The following SPARCL1 variants were observed in gnomAD, a reference collection of about 807,000 sequenced individuals.
SPARCL1 encodes SPARC-like protein 1.
In SPARCL1, 52 loss-of-function variants were observed where a neutral mutation model predicts 67.1. The observed-to-expected ratio is 0.78, with a 90% CI of 0.62 to 0.98. The LOEUF (loss-of-function observed/expected upper bound fraction) is 0.98. Among genes scored for constraint, SPARCL1 ranks in the 50% least tolerant of loss-of-function variants. The pLI is 0.00. For missense variants in SPARCL1, 717 were observed against 782.4 expected (o/e 0.92, Z 1.00); for synonymous variants, 226 against 267.8 (o/e 0.84, Z 1.52).
At chr4:87,502,337 C>T (rs1489436913) in intron 1 of SPARCL1, among the ~76,000 whole-genome samples, 1 of 152,074 alleles carries the variant, frequency 6.6e-6, no homozygotes, top group African/African-American at 2.4e-5. Flanking sequence ...TATATAATAT[C>T]CTACAGTGGT....
chr4:87,494,063 T>C lies in SPARCL1; in HGVS notation c.737A>G (p.Glu246Gly), dbSNP rs1217833302. Reference protein sequence around the residue: ...DNTQSDDILEESDQPTQVSKM... With the variant: ...DNTQSDDILEGSDQPTQVSKM... The stretch of plus-strand genomic sequence containing the variant: ...GCTTACTTGAGTTGGTTGATCAGAC[T>C]CTTCCAAAATATCATCAGATTGGGT... Residue 246 changes from glutamate (E) to glycine (G), a missense_variant, in exon 4 of 11, where the codon GAG (glutamate) becomes GGG (glycine). By Grantham distance (98) the Glu-to-Gly change is moderately conservative. Transcript: ENST00000282470. 2 of 1,613,972 alleles carry C rather than the reference T, an allele frequency of 1.2e-6. No homozygotes were observed. Among genetic ancestry groups the C allele is most frequent in the African/African-American group, 1.3e-5 (1 of 74,938 alleles).
intron 1 of SPARCL1, among the ~76,000 whole-genome samples, chr4:87,511,589 G>T (rs1408520035): frequency 6.6e-6 from 1 of 152,200 alleles, no homozygotes; most frequent in Non-Finnish European, 1.5e-5. Flanking sequence ...ACCATCAGAG[G>T]ATGGGAAGAG....
At chr4:87,521,416 CCT>C (rs2110265573) in intron 1 of SPARCL1, among the ~76,000 whole-genome samples, 1 of 152,256 alleles carries the variant, frequency 6.6e-6, no homozygotes, top group Admixed American at 6.5e-5. Flanking sequence ...GAACAGGATT[CCT>C]CTTTCATATT....
At position 87,493,960 on chromosome 4, in the gene SPARCL1, AT is replaced by A. The variant is rs1179774720; in HGVS notation, c.839del (p.Asn280MetfsTer23). On this transcript the variant is annotated frameshift_variant, in exon 4 of 11. Coordinates refer to ENST00000282470, the MANE Select transcript of SPARCL1 (RefSeq NM_004684.6). LOFTEE classifies it high-confidence loss of function. ...DNSNAEMEEE[N>X]ASNVNKHIQE... ...GAATGTGCTTATTGACGTTCGATGC[AT>A]TTTCCTCTTCCATTTCTGCATTGGA... The A allele has an allele frequency of 2.5e-6, 4 of 1,613,848 alleles. No individual in the cohort carries two copies. In the Admixed American group the frequency reaches 6.7e-5, roughly 27 times the overall value.
intron 1 of SPARCL1, among the ~76,000 whole-genome samples, chr4:87,508,649 A>T (rs1157165517): frequency 6.6e-6 from 1 of 151,898 alleles, no homozygotes; most frequent in Middle Eastern, 3.2e-3. Context: ...AGTAGCAGGT[A>T]AAAAAATAGA....
intron 10 of SPARCL1, among the ~76,000 whole-genome samples, chr4:87,478,716 G>T (rs1048894031): frequency 6.6e-6 from 1 of 152,144 alleles, no homozygotes; most frequent in Non-Finnish European, 1.5e-5. Context: ...GGGATTACAG[G>T]CATGAGCCAC....
chr4:87,511,961 CTT>C (rs1725377349), intron 1 of SPARCL1, among the ~76,000 whole-genome samples: 2 of 109,170 alleles, frequency 1.8e-5, no homozygotes, highest in African/African-American at 8.1e-5. Flanking sequence ...TTTCCTCTTT[CTT>C]TCTCTTTTTT....
chr4:87,527,564 C>T (rs1726099826), intron 1 of SPARCL1, among the ~76,000 whole-genome samples: 1 of 152,144 alleles, frequency 6.6e-6, no homozygotes, highest in Non-Finnish European at 1.5e-5. Flanking sequence ...TTATTTCTGT[C>T]ATCACTATTA....
chr4:87,473,872 G>T, intron 10 of SPARCL1, 69 bp from the exon 11 acceptor site: 2 of 1,065,410 alleles, frequency 1.9e-6, no homozygotes, highest in South Asian at 1.4e-5. Flanking sequence ...AACAATATTA[G>T]AGTTGGGGGA....
chr4:87,498,757 A>G (rs1243433563), intron 2 of SPARCL1, among the ~76,000 whole-genome samples: 1 of 152,156 alleles, frequency 6.6e-6, no homozygotes, highest in Non-Finnish European at 1.5e-5. Context: ...TATGATTACC[A>G]TATCGTTTCC....
intron 2 of SPARCL1, among the ~76,000 whole-genome samples, chr4:87,499,146 G>A (rs563540651): frequency 6.6e-6 from 1 of 152,302 alleles, no homozygotes; most frequent in East Asian, 1.9e-4. Flanking sequence ...GAAGTGCTGG[G>A]ATTACAGGCG....
chr4:87,524,620 C>T (rs1333494115), intron 1 of SPARCL1, among the ~76,000 whole-genome samples: 1 of 152,138 alleles, frequency 6.6e-6, no homozygotes, highest in Non-Finnish European at 1.5e-5. Flanking sequence ...TACATTTTTC[C>T]CTTGCTATGT....
intron 9 of SPARCL1, 128 bp downstream of exon 9, chr4:87,480,244 A>T: frequency 1.5e-6 from 1 of 667,550 alleles, no homozygotes; most frequent in Non-Finnish European, 2.3e-6. Flanking sequence ...ACTCCTAACC[A>T]GGCATTTCAG....
intron 7 of SPARCL1, among the ~76,000 whole-genome samples, chr4:87,483,279 C>T (rs1234062260): frequency 6.6e-6 from 1 of 152,050 alleles, no homozygotes; most frequent in South Asian, 2.1e-4. Flanking sequence ...ATGTTCCCCT[C>T]CCTGTGTCCA....
At chr4:87,499,439 A>G in intron 2 of SPARCL1, 82 bp downstream of exon 2, 1 of 1,105,350 alleles carries the variant, frequency 9.0e-7, no homozygotes, top group East Asian at 2.4e-5. Context: ...ACCATTATAT[A>G]AGAACATTTT....
At chr4:87,506,815 A>G (rs994445937) in intron 1 of SPARCL1, among the ~76,000 whole-genome samples, 1 of 149,044 alleles carries the variant, frequency 6.7e-6, no homozygotes, top group African/African-American at 2.6e-5. Flanking sequence ...CTATCTATCT[A>G]TCTATCTATC....
At chr4:87,482,891 G>T (rs78961697) in intron 7 of SPARCL1, among the ~76,000 whole-genome samples, 3 of 152,142 alleles carry the variant, frequency 2.0e-5, no homozygotes, top group African/African-American at 7.2e-5. Flanking sequence ...GTTGAAATTT[G>T]TAGGTGGAGG....
chr4:87,495,215 G>T, intron 2 of SPARCL1, 88 bp from the exon 3 acceptor site: 1 of 1,076,298 alleles, frequency 9.3e-7, no homozygotes, highest in Non-Finnish European at 1.4e-6. Context: ...ATCATTATTA[G>T]TAGCAATATA....
intron 1 of SPARCL1, among the ~76,000 whole-genome samples, chr4:87,525,659 A>G (rs1726008646): frequency 6.6e-6 from 1 of 152,194 alleles, no homozygotes; most frequent in African/African-American, 2.4e-5. Context: ...TAAAATACCT[A>G]TTCACTAAAT....
Sources: allele counts gnomAD v4.1 joint callset (sites outside exome capture counted in the v4.1 genomes callset), GRCh38; gene constraint gnomAD v4.1.1; transcripts MANE v1.5; gene names NCBI Gene and HGNC (gene_info 2026-07-23, HGNC 2026-07-21).